DHX30: variants seen among roughly 807,000 people sequenced by gnomAD.
DHX30 encodes ATP-dependent RNA helicase DHX30.
Under a neutral mutation model 116.9 loss-of-function variants are expected in DHX30, and 4 were observed. The ratio of observed to expected loss-of-function variants is 0.03; its 90% CI spans 0.02 to 0.08. The LOEUF (loss-of-function observed/expected upper bound fraction) is 0.08, where lower values mean the gene tolerates loss of function less well. Among genes scored for constraint, DHX30 ranks in the 10% least tolerant of loss-of-function variants. The pLI is 1.00. For missense variants in DHX30, 871 were observed against 1,595.1 expected (o/e 0.55, Z 7.73); for synonymous variants, 697 against 651.7 (o/e 1.07, Z -1.06).
chr3:47,808,355 T>C (rs2035628491), intron 2 of DHX30, among the ~76,000 whole-genome samples: 1 of 151,888 alleles, frequency 6.6e-6, no homozygotes, highest in African/African-American at 2.4e-5. Context: ...TAGCTAAGAC[T>C]GCAAGCATGT....
chr3:47,812,425 G>A (rs1461570872), intron 3 of DHX30, among the ~76,000 whole-genome samples: 1 of 151,106 alleles, frequency 6.6e-6, no homozygotes, highest in African/African-American at 2.4e-5. Context: ...AGGCGTGGTG[G>A]TGTGCACCTG....
intron 6 of DHX30, chr3:47,830,826 C>G (rs912105420): frequency 1.3e-5 from 2 of 152,372 alleles, no homozygotes; most frequent in Non-Finnish European, 2.9e-5. Flanking sequence ...AACTCCTGGT[C>G]TCAAGCAGTC....
Position 47,846,905 on chromosome 3 carries a change from G to T in DHX30, c.1833G>T (p.Val611=). 6.2e-7 allele frequency: 1 copy of T among 1,613,402 alleles called. No homozygotes were observed. Among genetic ancestry groups the T allele is most frequent in the Non-Finnish European group, 8.5e-7 (1 of 1,179,988 alleles). Residue 611 remains valine, a synonymous_variant, in exon 11 of 22, where the codon GTG becomes GTT. Coordinates refer to ENST00000445061, the MANE Select transcript of DHX30 (RefSeq NM_138615.3). Reference sequence around the variant, plus strand: ...TTGGTGGCTGCCCCGTCATCAAGGTGCCTGGCTTCATGTACCCAGTCAAGG... The same window carrying T: ...TTGGTGGCTGCCCCGTCATCAAGGTTCCTGGCTTCATGTACCCAGTCAAGG... The part of the protein sequence containing the change: ...RYFGGCPVIK[V]PGFMYPVKEH...
In DHX30 at chr3:47,814,339, C is replaced by T. The variant is rs141107026; in HGVS notation, c.28+3628C>T. On this transcript the variant is annotated intron_variant, in intron 3 of 21. Coordinates refer to ENST00000445061, the MANE Select transcript of DHX30 (RefSeq NM_138615.3). Reference sequence around the variant, plus strand: ...TACTTGGGAGGCTGAGGCAGCAAATCGCTTGAACCCAGGAGGCAGAGGTGG... The same window carrying T: ...TACTTGGGAGGCTGAGGCAGCAAATTGCTTGAACCCAGGAGGCAGAGGTGG... Among the ~76,000 whole-genome samples, 751 of 148,400 alleles carry T rather than the reference C, an allele frequency of 5.1e-3. 5 individuals carry two copies. Among genetic ancestry groups the T allele is most frequent in the African/African-American group, 0.014 (574 of 40,232 alleles).
chr3:47,849,624 C>G lies in DHX30; in HGVS notation c.3192-6C>G. On this transcript the variant is annotated splice_region_variant and splice_polypyrimidine_tract_variant and intron_variant, in intron 20 of 21. Transcript: ENST00000445061. ...AGGGTGGCCTCACCAGCCCTGTGTT[C>G]CCTAGGGAGGCCACACGGTTACGGA... 1 of 1,614,142 alleles carries G rather than the reference C, an allele frequency of 6.2e-7. No homozygotes were observed. Among genetic ancestry groups the G allele is most frequent in the Non-Finnish European group, 8.5e-7 (1 of 1,179,990 alleles).
chr3:47,844,599 C>T (rs866595750), intron 9 of DHX30, among the ~76,000 whole-genome samples: 2 of 152,306 alleles, frequency 1.3e-5, no homozygotes, highest in South Asian at 4.1e-4. Flanking sequence ...CTGATGGTGC[C>T]AGCACGCCCA....
chr3:47,813,055 C>G (rs1370368025), intron 3 of DHX30, among the ~76,000 whole-genome samples: 1 of 151,234 alleles, frequency 6.6e-6, no homozygotes, highest in African/African-American at 2.4e-5. Flanking sequence ...TCTGGCAAGT[C>G]TTGCCGGGCG....
At chr3:47,816,418 C>T (rs892574709) in intron 3 of DHX30, 33 of 974,704 alleles carry the variant, frequency 3.4e-5, no homozygotes, top group Admixed American at 2.1e-4. Context: ...AGTGCAATGG[C>T]GCGATCTCGG....
intron 4 of DHX30, among the ~76,000 whole-genome samples, chr3:47,821,120 AT>A (rs2106985432): frequency 6.6e-6 from 1 of 151,446 alleles, no homozygotes; most frequent in South Asian, 2.1e-4. Flanking sequence ...TGCCCAGCTG[AT>A]TTTTTTGTAT....
chr3:47,843,994 T>C (rs1170331736), intron 9 of DHX30, among the ~76,000 whole-genome samples: 1 of 152,232 alleles, frequency 6.6e-6, no homozygotes, highest in African/African-American at 2.4e-5. Context: ...GAGCCACCGC[T>C]CCTGGCCATG....
chr3:47,846,370 A>C lies in DHX30; in HGVS notation c.1298A>C (p.Gln433Pro), dbSNP rs562253562. The change falls in exon 11 of 22, where the codon CAG becomes CCG. Residue 433 changes from glutamine to proline, a missense_variant. By Grantham distance (76) the Gln-to-Pro change is moderately conservative. Around this residue, in one of 13 missense-constraint regions of DHX30, gnomAD observed 175 missense variants for 292.9 expected, o/e 0.60. Coordinates refer to ENST00000445061, the MANE Select transcript of DHX30 (RefSeq NM_138615.3). ...GGGCCGGTCTGGCAGGAGGCCCCCC[A>C]GCTACCTGTGGACCCACATCGGGAC... is the stretch of plus-strand genomic sequence containing the variant. Reference protein sequence around the residue: ...RRGPVWQEAPQLPVDPHRDTI... With the variant: ...RRGPVWQEAPPLPVDPHRDTI... 1 of 1,614,036 alleles carries C rather than the reference A, an allele frequency of 6.2e-7. No homozygotes were observed. The highest frequency in any genetic ancestry group is 1.3e-5 in the African/African-American group (1 of 75,080).
In DHX30 at chr3:47,846,204, C is replaced by T; in HGVS notation, c.1132C>T (p.Leu378=). The T allele has an allele frequency of 6.2e-7, 1 of 1,614,004 alleles. No individual in the cohort carries two copies. Among genetic ancestry groups the T allele is most frequent in the African/African-American group, 1.3e-5 (1 of 75,066 alleles). The change falls in exon 11 of 22, where the codon CTG becomes TTG. Residue 378 remains leucine (L), a synonymous_variant. Transcript: ENST00000445061. ...ESSWIAPELR[L]QSDDILPLGK... ...TTCATGGATCGCCCCAGAACTCCGG[C>T]TGCAGAGTGATGACATCTTGCCCTT...
Position 47,848,215 on chromosome 3 carries a change from C to T in DHX30, c.2322C>T (p.Ala774=), listed in dbSNP as rs1576521327. Residue 774 remains alanine, a synonymous_variant, in exon 15 of 22, where the codon GCC becomes GCT. Coordinates refer to ENST00000445061, the MANE Select transcript of DHX30 (RefSeq NM_138615.3). This position sits in a 1 kb window ranked among gnomAD's most constrained non-coding sequence, Gnocchi z 9.4. ...TGGAGACAGTGTGGGTATCAAGAGCCAATGTGATCCAGCGCCGGGGCCGGG... is the reference window on the plus strand; with the variant it reads ...TGGAGACAGTGTGGGTATCAAGAGCTAATGTGATCCAGCGCCGGGGCCGGG... ...SCLETVWVSR[A]NVIQRRGRAG... is the part of the protein sequence containing the mutation. The T allele has an allele frequency of 3.7e-6, 6 of 1,613,694 alleles. No homozygotes were observed. In the East Asian group the frequency reaches 8.9e-5, roughly 24 times the overall value.
At chr3:47,832,310 G>A (rs1220872170) in intron 6 of DHX30, among the ~76,000 whole-genome samples, 2 of 151,958 alleles carry the variant, frequency 1.3e-5, no homozygotes, top group East Asian at 3.9e-4. Context: ...TTCTCTCTAG[G>A]TCACTCTCAA....
At chr3:47,829,300 ATATATATATATATAT>A (rs1324289969) in intron 6 of DHX30, among the ~76,000 whole-genome samples, 166 bp downstream of exon 6, 22 of 33,844 alleles carry the variant, frequency 6.5e-4, no homozygotes, top group Admixed American at 1.7e-3. Context: ...ATATATATAT[ATATATATATATATAT>A]TTTTTTTTTT....
Position 47,847,847 on chromosome 3 carries a change from A to G in DHX30, c.2177A>G (p.Lys726Arg), listed in dbSNP as rs2037687150. The G allele has an allele frequency of 6.2e-7, 1 of 1,614,144 alleles. No individual in the cohort carries two copies. ...CAGCAGCCTCCAGTTGGGGTGCGCAAGATTGTCTTGGCCACCAACATTGCT... is the reference window on the plus strand; with the variant it reads ...CAGCAGCCTCCAGTTGGGGTGCGCAGGATTGTCTTGGCCACCAACATTGCT... The part of the protein sequence containing the change: ...IFQQPPVGVR[K>R]IVLATNIAET... Residue 726 changes from lysine to arginine, a missense_variant, in exon 14 of 22, where the codon AAG (lysine) becomes AGG (arginine). Around this residue, in one of 13 missense-constraint regions of DHX30, gnomAD observed 49 missense variants for 60.9 expected, o/e 0.80. Transcript: ENST00000445061. The surrounding 1 kb of genome is among the most constrained non-coding windows in gnomAD (Gnocchi z 5.5).
At chr3:47,818,189 C>T in intron 4 of DHX30, 72 bp downstream of exon 4, 1 of 735,064 alleles carries the variant, frequency 1.4e-6, no homozygotes, top group Non-Finnish European at 2.5e-6. Context: ...CAATGGGAGC[C>T]CTGGTGCCAG....
chr3:47,816,813 G>C (rs2036080186), intron 3 of DHX30: 1 of 985,152 alleles, frequency 1.0e-6, no homozygotes, highest in African/African-American at 1.7e-5. Context: ...CTAACATTTT[G>C]TTGTGAAAAA....
chr3:47,815,723 C>CAAAAAAAAAAAAAAAAAAAAAAAA (rs11349970), intron 3 of DHX30, among the ~76,000 whole-genome samples: 3 of 20,756 alleles, frequency 1.4e-4, no homozygotes, highest in Non-Finnish European at 2.4e-4. Flanking sequence ...TAAAAAAGAG[C>CAAAAAAAAAAAAAAAAAAAAAAAA]AAAAAAAAAA....
Sources: allele counts gnomAD v4.1 joint callset (sites outside exome capture counted in the v4.1 genomes callset), GRCh38; gene constraint gnomAD v4.1.1; regional missense constraint gnomAD v4.1.1; non-coding constraint Gnocchi (gnomAD v3.1); transcripts MANE v1.5; gene names NCBI Gene and HGNC (gene_info 2026-07-23, HGNC 2026-07-21).